STRN: variants seen among roughly 807,000 people sequenced by gnomAD.
The protein encoded by STRN is protein phosphatase 2 regulatory subunit B'''alpha.
Under a neutral mutation model 96.3 loss-of-function variants are expected in STRN, and 53 were observed. The ratio of observed to expected loss-of-function variants is 0.55; its 90% CI spans 0.44 to 0.69. STRN has a LOEUF of 0.69. Ranked by LOEUF, STRN falls within the 30% of genes least tolerant of loss-of-function variation. STRN has a pLI of 0.00. For synonymous variants in STRN, 428 were observed against 355.9 expected (o/e 1.20, Z -2.28); for missense variants, 987 against 963.9 (o/e 1.02, Z -0.32).
At chr2:36,931,213 G>C (rs559798867) in intron 1 of STRN, among the ~76,000 whole-genome samples, 2 of 152,092 alleles carry the variant, frequency 1.3e-5, no homozygotes, top group African/African-American at 4.8e-5. Flanking sequence ...GTACATACTA[G>C]CTTTTTGATT....
At position 36,906,493 on chromosome 2, in the gene STRN, G is replaced by GAA. The variant is rs1389965524; in HGVS notation, c.413-876_413-875insTT. On this transcript the variant is annotated intron_variant, in intron 3 of 17. Transcript: ENST00000263918. ...AATGAATGAATGAATGAATGAATGA[G>GAA]TAACAAATAAATAATTTTTTTAAAA... Among the ~76,000 whole-genome samples, 6 of 83,112 alleles carry GAA rather than the reference G, an allele frequency of 7.2e-5. No homozygotes were observed. The East Asian group carries it at 1.5e-3, about 21-fold the overall frequency. 54.5% of individuals were successfully genotyped at this position (83,112 alleles called of 152,430 possible). A position where few individuals can be genotyped will look rare whatever the true frequency, so the allele number is the denominator to read the frequency against.
intron 14 of STRN, among the ~76,000 whole-genome samples, chr2:36,856,840 C>G (rs1472919824): frequency 6.6e-6 from 1 of 152,092 alleles, no homozygotes; most frequent in Non-Finnish European, 1.5e-5. Context: ...AGAGTTCTCA[C>G]AAGATTTGGT....
At chr2:36,868,509 G>A (rs1244110713) in intron 11 of STRN, among the ~76,000 whole-genome samples, 5 of 152,110 alleles carry the variant, frequency 3.3e-5, no homozygotes, top group Admixed American at 1.3e-4. Context: ...GATGGAAACT[G>A]GATTTAAAGT....
intron 6 of STRN, among the ~76,000 whole-genome samples, chr2:36,897,773 A>G (rs1210817197): frequency 5.9e-5 from 9 of 152,010 alleles, no homozygotes; most frequent in Non-Finnish European, 2.9e-5. Flanking sequence ...TAGCATGATC[A>G]TGGCTCACTG....
At chr2:36,856,101 T>C (rs958873046) in intron 14 of STRN, among the ~76,000 whole-genome samples, 1 of 151,872 alleles carries the variant, frequency 6.6e-6, no homozygotes, top group Admixed American at 6.6e-5. Context: ...GAAATGCAAA[T>C]AAACTATGAT....
At chr2:36,881,114 CCTTCTT>C (rs1669057680) in intron 9 of STRN, among the ~76,000 whole-genome samples, 1 of 135,526 alleles carries the variant, frequency 7.4e-6, no homozygotes, top group African/African-American at 2.7e-5. Context: ...TGTGACACTG[CCTTCTT>C]TTTTTTTTTT....
intron 15 of STRN, among the ~76,000 whole-genome samples, chr2:36,854,651 C>T (rs1415413454): frequency 6.6e-6 from 1 of 152,140 alleles, no homozygotes; most frequent in Non-Finnish European, 1.5e-5. Context: ...CAACTGCAAC[C>T]TAAACTGTGA....
At chr2:36,915,232 A>AATATATATATATATATATATATATATAT (rs72466696) in intron 3 of STRN, among the ~76,000 whole-genome samples, 1 of 86,498 alleles carries the variant, frequency 1.2e-5, no homozygotes, top group Non-Finnish European at 2.4e-5. Context: ...TGAATACATA[A>AATATATATATATATATATATATATATAT]ATATATATAT....
chr2:36,895,997 T>C (rs1669532443), intron 6 of STRN, among the ~76,000 whole-genome samples: 1 of 152,104 alleles, frequency 6.6e-6, no homozygotes, highest in South Asian at 2.1e-4. Context: ...GAGTTCCACA[T>C]ATAAATATAT....
chr2:36,937,809 A>T (rs1670745059), intron 1 of STRN, among the ~76,000 whole-genome samples: 2 of 152,166 alleles, frequency 1.3e-5, no homozygotes, highest in South Asian at 4.1e-4. Context: ...TAGAAAAGAA[A>T]CTTACAGGCT....
intron 10 of STRN, among the ~76,000 whole-genome samples, chr2:36,874,259 G>A (rs553219022): frequency 1.1e-4 from 16 of 146,132 alleles, no homozygotes; most frequent in African/African-American, 3.8e-4. Context: ...GCAAAACTCT[G>A]TCTCAAAAAA....
rs915044766 is a variant in STRN at position 36,848,082 on chromosome 2, G to A, written c.*1374C>T. On this transcript the variant is annotated 3_prime_UTR_variant, in exon 18 of 18. Coordinates refer to ENST00000263918, the MANE Select transcript of STRN (RefSeq NM_003162.4). ...CTAGGTCTAGATAGCAGGGTCTTCA[G>A]AATCCCAAAAGGTGAACACATGTAG... 1 of 152,142 alleles carries A rather than the reference G, an allele frequency of 6.6e-6. No homozygotes were observed. Among genetic ancestry groups the A allele is most frequent in the Admixed American group, 6.5e-5 (1 of 15,268 alleles). 9.4% of individuals were successfully genotyped at this position (152,142 alleles called of 1,614,324 possible). A position where few individuals can be genotyped will look rare whatever the true frequency, so the allele number is the denominator to read the frequency against.
chr2:36,877,532 T>G (rs948367373), intron 10 of STRN, among the ~76,000 whole-genome samples: 4 of 152,214 alleles, frequency 2.6e-5, no homozygotes, highest in Admixed American at 1.3e-4. Context: ...AAAATCAACT[T>G]TTTATTTTAT....
intron 2 of STRN, among the ~76,000 whole-genome samples, chr2:36,917,492 C>G (rs182880720): frequency 6.8e-5 from 10 of 148,122 alleles, no homozygotes; most frequent in African/African-American, 2.3e-4. Flanking sequence ...CCACTGCACT[C>G]CAGCCTGAGT....
At chr2:36,894,782 C>T (rs1466861694) in intron 6 of STRN, among the ~76,000 whole-genome samples, 2 of 152,176 alleles carry the variant, frequency 1.3e-5, no homozygotes, top group Admixed American at 6.5e-5. Flanking sequence ...AAAAGTTTTA[C>T]AGACAGACCA....
In STRN at chr2:36,883,974, TG is replaced by T; in HGVS notation, c.1143del (p.Ser381ArgfsTer19). 1 of 1,432,772 alleles carries T rather than the reference TG, an allele frequency of 7.0e-7. No homozygotes were observed. Among genetic ancestry groups the T allele is most frequent in the Non-Finnish European group, 9.2e-7 (1 of 1,088,600 alleles). 88.8% of individuals were successfully genotyped at this position (1,432,772 alleles called of 1,614,324 possible). ...QPSVGSPSRP[S>X]SSRLPEHEIN... ...ATTTCATGTTCAGGAAGCCTGGAGC[TG>T]CTGGGTCTGGAAGGTGAACCCACAG... is the stretch of plus-strand genomic sequence containing the variant. On this transcript the variant is annotated frameshift_variant, in exon 9 of 18. Transcript: ENST00000263918. LOFTEE classifies it high-confidence loss of function.
intron 1 of STRN, among the ~76,000 whole-genome samples, chr2:36,957,977 T>A (rs2148277698): frequency 6.7e-6 from 1 of 148,576 alleles, no homozygotes; most frequent in African/African-American, 2.5e-5. Context: ...TGGAGTACAG[T>A]GGCGCGATCT....
In STRN at chr2:36,846,387, T is replaced by TTATATATATATA. The variant is rs57446302; in HGVS notation, c.*3057_*3068dup. On this transcript the variant is annotated 3_prime_UTR_variant, in exon 18 of 18. Transcript: ENST00000263918. Reference sequence around the variant, plus strand: ...CAAAACAGTAAAATGCACCTATGGTTTATATATATATATATATATATATAT... The same window carrying TTATATATATATA: ...CAAAACAGTAAAATGCACCTATGGTTTATATATATATATATATATATATATATATATATATAT... 667 of 78,150 alleles carry TTATATATATATA rather than the reference T, an allele frequency of 8.5e-3. 5 individuals carry two copies. The highest frequency in any genetic ancestry group is 0.011 in the African/African-American group (135 of 12,798). The allele number at this position is 78,150 out of a possible 1,614,324, so 4.8% of individuals were successfully genotyped here. A position where few individuals can be genotyped will look rare whatever the true frequency, so the allele number is the denominator to read the frequency against.
intron 3 of STRN, among the ~76,000 whole-genome samples, chr2:36,910,535 C>G (rs1434559376): frequency 1.3e-5 from 2 of 152,110 alleles, no homozygotes; most frequent in East Asian, 3.9e-4. Context: ...CACTTGAAGA[C>G]AGACTGTAAT....
Sources: allele counts gnomAD v4.1 joint callset (sites outside exome capture counted in the v4.1 genomes callset), GRCh38; gene constraint gnomAD v4.1.1; transcripts MANE v1.5; gene names NCBI Gene and HGNC (gene_info 2026-07-23, HGNC 2026-07-21).